Variants in PZP observed in about 807,000 individuals in gnomAD.
PZP encodes pregnancy zone protein.
Under a neutral mutation model 179.8 loss-of-function variants are expected in PZP, and 150 were observed. That is an observed-to-expected ratio of 0.83 (90% confidence interval 0.73 to 0.96). The LOEUF (loss-of-function observed/expected upper bound fraction) is 0.96, where lower values mean the gene tolerates loss of function less well. PZP is among the 40% of genes least tolerant of loss of function. The pLI is 0.00. For synonymous variants in PZP, 624 were observed against 652.3 expected, an observed-to-expected ratio of 0.96 and a Z score of 0.66; for missense variants, 1,689 against 1,764.0, an observed-to-expected ratio of 0.96 and a Z score of 0.76.
At chr12:9,183,920 T>C (rs1222559377) in intron 13 of PZP, among the ~76,000 whole-genome samples, 1 of 152,202 alleles carries the variant, frequency 6.6e-6, no homozygotes, top group East Asian at 1.9e-4. Context: ...TTCATATTTG[T>C]GTTCAGTTGG....
chr12:9,164,744 A>T (rs1313435600), intron 19 of PZP, among the ~76,000 whole-genome samples: 1 of 152,230 alleles, frequency 6.6e-6, no homozygotes, highest in East Asian at 1.9e-4. Flanking sequence ...ATTTACAAAG[A>T]GATAAGTGCT....
Position 9,196,665 on chromosome 12 carries a change from G to A in PZP, c.888C>T (p.Ile296=), listed in dbSNP as rs753558471. ...FSQQLNSNGC[I]TQQVHTKMLQ... Reference sequence around the variant, plus strand: ...GCATTTTGGTGTGTACTTGTTGGGTGATGCAGCCATTGCTGTTAAGCTGAG... The same window carrying A: ...GCATTTTGGTGTGTACTTGTTGGGTAATGCAGCCATTGCTGTTAAGCTGAG... Residue 296 remains isoleucine, a synonymous_variant, in exon 9 of 36, where the codon ATC becomes ATT. Transcript: ENST00000261336. 2.5e-6 allele frequency: 4 copies of A among 1,611,948 alleles called. No individual in the cohort carries two copies. The African/African-American group carries it at 4.0e-5, about 16-fold the overall frequency.
At position 9,166,102 on chromosome 12, in the gene PZP, C is replaced by G. The variant is rs763852511; in HGVS notation, c.2208G>C (p.Thr736=). 2 of 1,612,468 alleles carry G rather than the reference C, an allele frequency of 1.2e-6. No individual in the cohort carries two copies. The highest frequency in any genetic ancestry group is 1.1e-5 in the South Asian group (1 of 90,520). The change falls in exon 18 of 36, where the codon ACG becomes ACC. Residue 736 remains threonine, a synonymous_variant. Transcript: ENST00000261336. ...NEQSSGPVPE[T]VRSYFPETWI... ...AAGTCTCAGGAAAATAGCTTCGCAC[C>G]GTTTCAGGGACTGGCCCTGAACTTT...
rs749770165 is a variant in PZP, at chr12:9,202,607, C to T, written c.345G>A (p.Lys115=). 1 of 1,614,112 alleles carries T rather than the reference C, an allele frequency of 6.2e-7. No individual in the cohort carries two copies. The highest frequency in any genetic ancestry group is 8.5e-7 in the Non-Finnish European group (1 of 1,179,980). ...TGTTCAGTACCAGAACTGTGTTCCT[C>T]TTCCTGAAATCTTGCGTAGGCCCCT... is the stretch of plus-strand genomic sequence containing the variant. The part of the protein sequence containing the change: ...QIKGPTQDFR[K]RNTVLVLNTQ... The change falls in exon 3 of 36, where the codon AAG becomes AAA. Residue 115 remains lysine (K), a synonymous_variant. Transcript: ENST00000261336.
chr12:9,177,105 G>A (rs953956369), intron 15 of PZP, among the ~76,000 whole-genome samples: 1 of 152,166 alleles, frequency 6.6e-6, no homozygotes, highest in Non-Finnish European at 1.5e-5. Context: ...ATTCATGCCC[G>A]AACATTGTTC....
At chr12:9,164,987 A>G (rs984760730) in intron 19 of PZP, 152 bp downstream of exon 19, 1 of 945,472 alleles carries the variant, frequency 1.1e-6, no homozygotes, top group African/African-American at 1.6e-5. Flanking sequence ...TATCTTTCTG[A>G]TCATGTCCTG....
chr12:9,152,426 A>G (rs1175007869), intron 31 of PZP, 116 bp from the exon 32 acceptor site: 3 of 762,338 alleles, frequency 3.9e-6, no homozygotes, highest in Non-Finnish European at 6.8e-6. Context: ...CTAATATTCT[A>G]CAAAGGTCTG....
intron 3 of PZP, 66 bp downstream of exon 3, chr12:9,202,459 G>A (rs770674337): frequency 3.1e-5 from 50 of 1,612,142 alleles, no homozygotes; most frequent in Non-Finnish European, 4.2e-5. Flanking sequence ...CTAGGATAAT[G>A]GAGACTTTGG....
At chr12:9,152,725 T>C (rs1940450556) in intron 31 of PZP, 99 bp downstream of exon 31, 1 of 1,272,502 alleles carries the variant, frequency 7.9e-7, no homozygotes, top group African/African-American at 1.5e-5. Context: ...TTCTAAATTA[T>C]ATTAATCTAA....
intron 13 of PZP, among the ~76,000 whole-genome samples, chr12:9,183,344 T>C (rs376073578): frequency 6.6e-6 from 1 of 152,212 alleles, no homozygotes; most frequent in Non-Finnish European, 1.5e-5. Context: ...TCCATCACTA[T>C]AGTAGTCATT....
intron 20 of PZP, 101 bp downstream of exon 20, chr12:9,164,032 A>G (rs995998499): frequency 1.4e-6 from 2 of 1,433,064 alleles, no homozygotes; most frequent in Non-Finnish European, 1.9e-6. Flanking sequence ...ACTTTATAGA[A>G]TTATATCTAT....
intron 14 of PZP, 112 bp downstream of exon 14, chr12:9,181,853 TTGTTGGGAAC>T: frequency 1.8e-6 from 2 of 1,095,404 alleles, no homozygotes; most frequent in Non-Finnish European, 2.6e-6. Context: ...TGCCATAAAC[TTGTTGGGAAC>T]TGTTGGGCAA....
chr12:9,158,965 T>G (rs968395911), intron 25 of PZP, among the ~76,000 whole-genome samples: 2 of 152,168 alleles, frequency 1.3e-5, no homozygotes, highest in Admixed American at 6.5e-5. Context: ...GTTTTAACTC[T>G]AATCAGCTAA....
chr12:9,158,550 A>G lies in PZP; in HGVS notation c.3164T>C (p.Phe1055Ser). The G allele has an allele frequency of 1.2e-6, 2 of 1,614,144 alleles. No homozygotes were observed. Among genetic ancestry groups the G allele is most frequent in the Non-Finnish European group, 1.7e-6 (2 of 1,180,018 alleles). The part of the protein sequence containing the change: ...TWLTAFVLKT[F>S]AQARSYIFID... ...GAAGATGTAGGATCGAGCCTGGGCG[A>G]AAGTCTTCAGTACAAAAGCTGTGAG... Residue 1055 changes from phenylalanine (F) to serine (S), a missense_variant, in exon 26 of 36, where the codon TTC becomes TCC. Phe to Ser is a radical substitution (Grantham distance 155, BLOSUM62 -2). Coordinates refer to ENST00000261336, the MANE Select transcript of PZP (RefSeq NM_002864.3).
At position 9,165,206 on chromosome 12, in the gene PZP, G is replaced by A; in HGVS notation, c.2420C>T (p.Ser807Phe). ...PFFVELTMPYSVIRGEVFTLK... is the reference protein window; with the variant it reads ...PFFVELTMPYFVIRGEVFTLK... ...TGTGAAGACCTCTCCACGAATCACA[G>A]AGTAAGGCATTGTGAGCTCCACAAA... The change falls in exon 19 of 36, where the codon TCT (serine) becomes TTT (phenylalanine). Residue 807 changes from serine to phenylalanine, a missense_variant. By Grantham distance (155) the Ser-to-Phe change is radical. Coordinates refer to ENST00000261336, the MANE Select transcript of PZP (RefSeq NM_002864.3). The A allele has an allele frequency of 6.2e-7, 1 of 1,614,196 alleles. No individual in the cohort carries two copies. The highest frequency in any genetic ancestry group is 8.5e-7 in the Non-Finnish European group (1 of 1,180,036).
intron 13 of PZP, among the ~76,000 whole-genome samples, chr12:9,188,094 T>C (rs1943238508): frequency 6.6e-6 from 1 of 152,212 alleles, no homozygotes; most frequent in Non-Finnish European, 1.5e-5. Flanking sequence ...CAAACCAATA[T>C]TCCTGATGAA....
intron 2 of PZP, among the ~76,000 whole-genome samples, chr12:9,203,134 T>C (rs1944260154): frequency 6.6e-6 from 1 of 152,144 alleles, no homozygotes; most frequent in Non-Finnish European, 1.5e-5. Context: ...TTCTAGGAAA[T>C]GTCCAGCCCG....
chr12:9,154,040 G>A (rs1940559136), intron 29 of PZP, among the ~76,000 whole-genome samples: 1 of 152,190 alleles, frequency 6.6e-6, no homozygotes, highest in Non-Finnish European at 1.5e-5. Context: ...TGGAGTAGTT[G>A]AAATGGAACT....
At chr12:9,150,616 A>G (rs1940281248) in intron 34 of PZP, 28 bp downstream of exon 34, 1 of 1,446,772 alleles carries the variant, frequency 6.9e-7, no homozygotes, top group Non-Finnish European at 9.7e-7. Context: ...GGCTCTGGTT[A>G]AGATTGTTTC....
Sources: allele counts gnomAD v4.1 joint callset (sites outside exome capture counted in the v4.1 genomes callset), GRCh38; gene constraint gnomAD v4.1.1; transcripts MANE v1.5; gene names NCBI Gene and HGNC (gene_info 2026-07-23, HGNC 2026-07-21).